Variants in TRAK1 observed in about 807,000 individuals in gnomAD.
TRAK1 encodes trafficking kinesin protein 1, also known as trafficking kinesin-binding protein 1.
A neutral mutation model predicts 92.1 loss-of-function variants in TRAK1; 33 were observed. The ratio of observed to expected loss-of-function variants is 0.36; its 90% CI spans 0.27 to 0.48. The LOEUF (loss-of-function observed/expected upper bound fraction) is 0.48, where lower values mean the gene tolerates loss of function less well. Among genes scored for constraint, TRAK1 ranks in the 20% least tolerant of loss-of-function variants. TRAK1 has a pLI of 0.99. For synonymous variants in TRAK1, 521 were observed against 517.3 expected (o/e 1.01, Z -0.10); for missense variants, 1,123 against 1,257.9 (o/e 0.89, Z 1.62).
At chr3:42,199,514 G>T (rs1044920572) in intron 11 of TRAK1, among the ~76,000 whole-genome samples, 11 of 152,204 alleles carry the variant, frequency 7.2e-5, no homozygotes, top group African/African-American at 2.7e-4. Context: ...AGAGTGCAGT[G>T]GTGTGATCAT....
At chr3:42,090,786 T>C (rs1704983000), upstream of TRAK1, among the ~76,000 whole-genome samples, 1 of 152,228 alleles carries the variant, frequency 6.6e-6, no homozygotes, top group Admixed American at 6.5e-5. Context: ...GGGGGTTCTT[T>C]GTTGGGACCA....
chr3:42,172,821 C>G (rs536746554), intron 2 of TRAK1, among the ~76,000 whole-genome samples: 29 of 152,270 alleles, frequency 1.9e-4, no homozygotes, highest in African/African-American at 6.7e-4. Flanking sequence ...ACTTCTTTTT[C>G]TAGGAGATGG....
rs532191372 is a variant in TRAK1 at position 42,102,089 on chromosome 3, G to T, written c.91+10529G>T. 1.1e-3 allele frequency among the ~76,000 whole-genome samples: 167 copies of T among 152,296 alleles called. 1 individual carries two copies. The highest frequency in any genetic ancestry group is 3.5e-3 in the African/African-American group (145 of 41,562). On this transcript the variant is annotated intron_variant, in intron 1 of 15. Transcript: ENST00000327628. ...CAACTTCCGCCTCCCAGGTTCAAGCGATTCTCCTGCCTCACCCTCCCGAGT... is the reference window on the plus strand; with the variant it reads ...CAACTTCCGCCTCCCAGGTTCAAGCTATTCTCCTGCCTCACCCTCCCGAGT...
At chr3:42,043,621 G>C (rs545581814) in intron 1 of TRAK1, among the ~76,000 whole-genome samples, 81 of 152,084 alleles carry the variant, frequency 5.3e-4, no homozygotes, top group Admixed American at 1.2e-3. Context: ...GAGCTGGGGG[G>C]GGGGCGGGGG....
At chr3:42,060,619 T>A (rs1228955737) in intron 1 of TRAK1, among the ~76,000 whole-genome samples, 1 of 150,190 alleles carries the variant, frequency 6.7e-6, no homozygotes, top group Non-Finnish European at 1.5e-5. Flanking sequence ...AGGTCATTTT[T>A]GGCTGCTTTT....
chr3:42,223,666 A>C lies in TRAK1; in HGVS notation c.2791A>C (p.Lys931Gln). ...PTMVGSSMQM[K>Q]APVTLTSGIL... ...CATGGTGGGATCTAGCATGCAGATG[A>C]AAGCTCCTGTGACTCTCACCTCGGG... The change falls in exon 16 of 16, where the codon AAA becomes CAA. Residue 931 changes from lysine to glutamine, a missense_variant. By Grantham distance (53) the Lys-to-Gln change is moderately conservative. Coordinates refer to ENST00000327628, the MANE Select transcript of TRAK1 (RefSeq NM_001042646.3). This position sits in a 1 kb window ranked among gnomAD's most constrained non-coding sequence, Gnocchi z 6.1. The C allele has an allele frequency of 6.2e-7, 1 of 1,614,060 alleles. No homozygotes were observed.
intron 1 of TRAK1, among the ~76,000 whole-genome samples, chr3:42,070,417 C>T (rs1287326533): frequency 6.6e-6 from 1 of 150,858 alleles, no homozygotes; most frequent in Non-Finnish European, 1.5e-5. Context: ...ACTTTTATTA[C>T]TGAATTTTAT....
intron 1 of TRAK1, among the ~76,000 whole-genome samples, chr3:42,124,079 A>G (rs1351806274): frequency 6.6e-6 from 1 of 151,988 alleles, no homozygotes; most frequent in African/African-American, 2.4e-5. Flanking sequence ...TCAAGGCTGC[A>G]GTGAGCCAAT....
chr3:42,023,524 A>T, intron 1 of TRAK1, among the ~76,000 whole-genome samples: 1 of 152,000 alleles, frequency 6.6e-6, no homozygotes. Context: ...CTCTGGCTGT[A>T]CTCAAGGTGA....
chr3:42,215,308 C>T (rs1190965664), intron 14 of TRAK1, among the ~76,000 whole-genome samples: 1 of 152,146 alleles, frequency 6.6e-6, no homozygotes, highest in African/African-American at 2.4e-5. Context: ...ACACATCTTC[C>T]TCTCCCCTTT....
intron 1 of TRAK1, among the ~76,000 whole-genome samples, chr3:42,063,788 G>A (rs934191421): frequency 6.6e-6 from 1 of 152,142 alleles, no homozygotes; most frequent in African/African-American, 2.4e-5. Context: ...CCTGTGGTGG[G>A]CTGAAAGTTC....
intron 1 of TRAK1, among the ~76,000 whole-genome samples, chr3:42,109,812 T>A (rs138354492): frequency 0.024 from 3,706 of 152,026 alleles, 55 homozygotes; most frequent in Non-Finnish European, 0.036. Flanking sequence ...GGGACATGGA[T>A]GAAGCTGGAA....
chr3:42,059,882 G>T (rs913817226), intron 1 of TRAK1, among the ~76,000 whole-genome samples: 1 of 152,070 alleles, frequency 6.6e-6, no homozygotes, highest in African/African-American at 2.4e-5. Flanking sequence ...GATCATTGAG[G>T]AATGAGTGAG....
At chr3:42,063,918 TGAGTCTAAAGA>T (rs1398757318) in intron 1 of TRAK1, among the ~76,000 whole-genome samples, 1 of 152,194 alleles carries the variant, frequency 6.6e-6, no homozygotes, top group Non-Finnish European at 1.5e-5. Context: ...CTTTTAAAAT[TGAGTCTAAAGA>T]GATCTGTAAT....
chr3:42,028,453 G>C (rs189907769), intron 1 of TRAK1, among the ~76,000 whole-genome samples: 142 of 152,300 alleles, frequency 9.3e-4, no homozygotes, highest in Non-Finnish European at 1.3e-3. Flanking sequence ...TCCAGGTCTG[G>C]GGGCAGACCA....
intron 1 of TRAK1, among the ~76,000 whole-genome samples, chr3:42,104,446 G>A (rs1707238975): frequency 6.6e-6 from 1 of 152,160 alleles, no homozygotes; most frequent in Admixed American, 6.5e-5. Context: ...GCAGCTCCCA[G>A]TAGGGGCCGA....
At chr3:42,157,457 CA>C (rs60622565) in intron 2 of TRAK1, among the ~76,000 whole-genome samples, 25 of 31,110 alleles carry the variant, frequency 8.0e-4, no homozygotes, top group South Asian at 7.4e-3. Context: ...GACCCTGTCT[CA>C]AAAAAAAAAA....
chr3:42,200,828 C>T lies in TRAK1; in HGVS notation c.1201C>T (p.Arg401Cys), dbSNP rs772082317. ...AESPDITHQK[R>C]VFETVRNINQ... ...GTGCATTCTCCCTAGTCACCAGAAGCGTGTCTTTGAGACAGTAAGAAACAT... is the reference window on the plus strand; with the variant it reads ...GTGCATTCTCCCTAGTCACCAGAAGTGTGTCTTTGAGACAGTAAGAAACAT... The change falls in exon 12 of 16, where the codon CGT (arginine) becomes TGT (cysteine). Residue 401 changes from arginine to cysteine, a missense_variant. Transcript: ENST00000327628. The T allele has an allele frequency of 3.7e-6, 6 of 1,614,130 alleles. No individual in the cohort carries two copies. Among genetic ancestry groups the T allele is most frequent in the East Asian group, 4.5e-5 (2 of 44,888 alleles).
At chr3:42,118,292 A>G (rs1448913973) in intron 1 of TRAK1, among the ~76,000 whole-genome samples, 1 of 150,708 alleles carries the variant, frequency 6.6e-6, no homozygotes, top group East Asian at 2.0e-4. Flanking sequence ...GAGTTTCACC[A>G]TGTTGGCCAG....
Sources: gnomAD v4.1 joint callset for allele counts (sites outside exome capture counted in the v4.1 genomes callset) on GRCh38, gnomAD v4.1.1 for gene constraint, Gnocchi (gnomAD v3.1) non-coding constraint, MANE v1.5 for transcripts, NCBI Gene and HGNC (gene_info 2026-07-23, HGNC 2026-07-21) for gene names.